Variants in NCKAP5 observed in about 807,000 individuals in gnomAD.
NCKAP5 encodes NCK associated protein 5.
NCKAP5 carries 92 observed loss-of-function variants against 167.0 expected under a neutral mutation model. The ratio of observed to expected loss-of-function variants is 0.55; its 90% CI spans 0.47 to 0.66. NCKAP5 has a LOEUF of 0.66. NCKAP5 is among the 30% of genes least tolerant of loss of function. NCKAP5 has a pLI of 0.00. For missense variants in NCKAP5, 2,378 were observed against 2,315.0 expected, an observed-to-expected ratio of 1.03 and a Z score of -0.56; for synonymous variants, 891 against 877.4, an observed-to-expected ratio of 1.02 and a Z score of -0.27.
intron 16 of NCKAP5, among the ~76,000 whole-genome samples, chr2:132,755,156 T>C (rs554606723): frequency 6.6e-6 from 1 of 152,172 alleles, no homozygotes; most frequent in Non-Finnish European, 1.5e-5. Context: ...GGAACCTAAC[T>C]ATTGGGCAAA....
the NCKAP5 span, among the ~76,000 whole-genome samples, chr2:133,642,392 A>C: frequency 6.6e-6 from 1 of 152,168 alleles, no homozygotes; most frequent in Non-Finnish European, 1.5e-5. Flanking sequence ...GATCAGCCCA[A>C]GTCATATTTT....
At chr2:133,152,196 C>A (rs1429583376) in intron 5 of NCKAP5, among the ~76,000 whole-genome samples, 3 of 152,120 alleles carry the variant, frequency 2.0e-5, no homozygotes, top group African/African-American at 7.2e-5. Context: ...CTCCCTATAT[C>A]CCACCTAAAG....
chr2:133,572,323 G>A (rs1372085080), upstream of NCKAP5, among the ~76,000 whole-genome samples: 4 of 152,256 alleles, frequency 2.6e-5, no homozygotes, highest in African/African-American at 7.2e-5. Context: ...GCATTCAGCA[G>A]AGCTTCAGAT....
In NCKAP5 at chr2:133,072,054, T is replaced by C. The variant is rs566582617; in HGVS notation, c.341+57924A>G. Among the ~76,000 whole-genome samples, 637 of 151,990 alleles carry C rather than the reference T, an allele frequency of 4.2e-3. 4 individuals carry two copies. The highest frequency in any genetic ancestry group is 7.1e-3 in the Non-Finnish European group (481 of 67,988). ...TGCATGGTCTCTCCTGCCTCAGATA[T>C]GTGCCATGCTGTTTCATTTATCCAG... On this transcript the variant is annotated intron_variant, in intron 6 of 19. Transcript: ENST00000409261.
chr2:133,061,878 C>T (rs1430992609), intron 6 of NCKAP5, among the ~76,000 whole-genome samples: 1 of 152,156 alleles, frequency 6.6e-6, no homozygotes, highest in East Asian at 1.9e-4. Context: ...ACCTCCTAAA[C>T]ACCTTTCTCC....
chr2:133,113,554 T>C (rs72842453), intron 6 of NCKAP5, among the ~76,000 whole-genome samples: 1,711 of 152,306 alleles, frequency 0.011, 21 homozygotes, highest in South Asian at 0.032. Context: ...AGCCATCCCC[T>C]TCCACCAGGT....
chr2:133,266,673 G>C (rs2089244567), intron 4 of NCKAP5, among the ~76,000 whole-genome samples: 1 of 152,126 alleles, frequency 6.6e-6, no homozygotes, highest in Non-Finnish European at 1.5e-5. Context: ...AGGCAGCCTG[G>C]GCCACGCGCT....
chr2:132,766,019 C>T (rs910325529), intron 16 of NCKAP5, among the ~76,000 whole-genome samples: 2 of 151,972 alleles, frequency 1.3e-5, no homozygotes, highest in Non-Finnish European at 2.9e-5. Context: ...CGGTGGCTTA[C>T]GCCTGTAATC....
intron 3 of NCKAP5, among the ~76,000 whole-genome samples, chr2:133,315,025 G>A (rs1275828893): frequency 6.6e-6 from 1 of 152,182 alleles, no homozygotes; most frequent in Non-Finnish European, 1.5e-5. Context: ...GGTGAGGGGA[G>A]GAGGGTGATC....
intron 4 of NCKAP5, among the ~76,000 whole-genome samples, chr2:133,245,437 A>C (rs1423825792): frequency 6.6e-6 from 1 of 152,174 alleles, no homozygotes. Flanking sequence ...ACAGAGGTCT[A>C]ATATGGGGAA....
chr2:133,079,504 C>T (rs760861359), intron 6 of NCKAP5, among the ~76,000 whole-genome samples: 7 of 152,114 alleles, frequency 4.6e-5, no homozygotes, highest in East Asian at 1.9e-4. Context: ...TCTATTTTTG[C>T]CCAGTAGAAA....
At chr2:132,773,064 T>C (rs542247873) in intron 16 of NCKAP5, among the ~76,000 whole-genome samples, 1 of 152,338 alleles carries the variant, frequency 6.6e-6, no homozygotes, top group African/African-American at 2.4e-5. Flanking sequence ...GATGCCTCAG[T>C]GTCTTGTGTC....
At chr2:132,723,880 C>T (rs997444462) in intron 19 of NCKAP5, among the ~76,000 whole-genome samples, 7 of 152,204 alleles carry the variant, frequency 4.6e-5, no homozygotes, top group Non-Finnish European at 5.9e-5. Flanking sequence ...AAACTTTGCA[C>T]GTCATGCCAC....
intron 6 of NCKAP5, among the ~76,000 whole-genome samples, chr2:133,064,566 A>G (rs1330212016): frequency 6.6e-6 from 1 of 152,236 alleles, no homozygotes; most frequent in Non-Finnish European, 1.5e-5. Context: ...CAAAGAGAAG[A>G]TAAACTTACA....
At chr2:133,259,508 G>A (rs2150364411) in intron 4 of NCKAP5, among the ~76,000 whole-genome samples, 1 of 152,278 alleles carries the variant, frequency 6.6e-6, no homozygotes, top group South Asian at 2.1e-4. Context: ...GTAGCAAGAG[G>A]AAGAGGGAGA....
At chr2:133,180,093 T>A (rs796893636) in intron 5 of NCKAP5, among the ~76,000 whole-genome samples, 7 of 152,134 alleles carry the variant, frequency 4.6e-5, no homozygotes, top group Admixed American at 1.3e-4. Flanking sequence ...GAGGGAGGAA[T>A]GACACCATAC....
rs189205974 is a variant in NCKAP5 at position 132,968,822 on chromosome 2, T to C, written c.430-4953A>G. 3.9e-5 allele frequency among the ~76,000 whole-genome samples: 6 copies of C among 152,214 alleles called. No individual in the cohort carries two copies. The East Asian group carries it at 1.2e-3, about 29-fold the overall frequency. Reference sequence around the variant, plus strand: ...GCAGGGAAGGAAATCTAAAGAACTGTAGCTGAAGGGCATTGTGGAGGCAAG... The same window carrying C: ...GCAGGGAAGGAAATCTAAAGAACTGCAGCTGAAGGGCATTGTGGAGGCAAG... On this transcript the variant is annotated intron_variant, in intron 7 of 19. Coordinates refer to ENST00000409261, the MANE Select transcript of NCKAP5 (RefSeq NM_207363.3).
At chr2:133,293,951 T>C (rs1679775930) in intron 4 of NCKAP5, among the ~76,000 whole-genome samples, 1 of 152,118 alleles carries the variant, frequency 6.6e-6, no homozygotes, top group Non-Finnish European at 1.5e-5. Flanking sequence ...GGAAAGATAA[T>C]GTGAGGCACG....
intron 5 of NCKAP5, among the ~76,000 whole-genome samples, chr2:133,187,420 T>C (rs1278624628): frequency 1.3e-5 from 2 of 152,068 alleles, no homozygotes; most frequent in African/African-American, 2.4e-5. Context: ...CCAGGCATGC[T>C]GGCATGCATC....
Sources: gnomAD v4.1 joint callset for allele counts (sites outside exome capture counted in the v4.1 genomes callset) on GRCh38, gnomAD v4.1.1 for gene constraint, MANE v1.5 for transcripts, NCBI Gene and HGNC (gene_info 2026-07-23, HGNC 2026-07-21) for gene names.